The following TDP1 variants were observed in gnomAD, a reference collection of about 807,000 sequenced individuals.
The protein encoded by TDP1 is tyrosyl-DNA phosphodiesterase 1.
Under a neutral mutation model 81.5 loss-of-function variants are expected in TDP1, and 64 were observed. The observed-to-expected ratio is 0.79, with a 90% CI of 0.64 to 0.97. TDP1 has a LOEUF of 0.97. TDP1 is among the 50% of genes least tolerant of loss of function. The probability of loss-of-function intolerance (pLI) is 0.00; values close to 1 mark genes in which losing one functional copy is unlikely to be tolerated. For synonymous variants in TDP1, 256 were observed against 264.3 expected (o/e 0.97, Z 0.30); for missense variants, 723 against 743.8 (o/e 0.97, Z 0.33).
At chr14:89,988,101 A>G (rs1895771910) in intron 10 of TDP1, among the ~76,000 whole-genome samples, 1 of 152,180 alleles carries the variant, frequency 6.6e-6, no homozygotes, top group African/African-American at 2.4e-5. Context: ...TTTATTATAA[A>G]GGATACAGAT....
intron 3 of TDP1, 37 bp from the exon 4 acceptor site, chr14:89,966,110 T>C: frequency 7.0e-7 from 1 of 1,429,842 alleles, no homozygotes; most frequent in Non-Finnish European, 9.9e-7. Flanking sequence ...AGAGGATTTT[T>C]GTGAGTGTGA....
In TDP1 at chr14:90,043,123, A is replaced by G; in HGVS notation, c.1807A>G (p.Asn603Asp). Residue 603 changes from asparagine to aspartate, a missense_variant, in exon 17 of 17, where the codon AAC becomes GAC. Asn to Asp is a conservative substitution (Grantham distance 23, BLOSUM62 1). Coordinates refer to ENST00000335725, the MANE Select transcript of TDP1 (RefSeq NM_018319.4). ...TGTCAAAGCACCGGATACGCATGGG[A>G]ACATGTGGGTGCCCTCCTGAGAATC... ...PYVKAPDTHG[N>D]MWVPS 2 of 1,614,196 alleles carry G rather than the reference A, an allele frequency of 1.2e-6. No individual in the cohort carries two copies. The highest frequency in any genetic ancestry group is 1.7e-6 in the Non-Finnish European group (2 of 1,180,036).
chr14:90,002,944 A>G (rs1389891415), intron 14 of TDP1, among the ~76,000 whole-genome samples: 2 of 151,688 alleles, frequency 1.3e-5, no homozygotes, highest in African/African-American at 2.4e-5. Context: ...TATTTTATTT[A>G]TTTATTTTTT....
chr14:89,963,207 T>C lies in TDP1; in HGVS notation c.93T>C (p.Ser31=). Residue 31 remains serine, a synonymous_variant, in exon 3 of 17, where the codon TCT becomes TCC. Transcript: ENST00000335725. ...CAAAACCAGACAAGCCATCTACCTC[T>C]TCTCTTCTCTGTGCCAGGCAAGGAG... ...EKPKPDKPST[S]SLLCARQGAA... The C allele has an allele frequency of 6.2e-7, 1 of 1,614,116 alleles. No homozygotes were observed. The highest frequency in any genetic ancestry group is 8.5e-7 in the Non-Finnish European group (1 of 1,179,998).
intron 15 of TDP1, among the ~76,000 whole-genome samples, chr14:90,032,278 C>A (rs1887367310): frequency 1.3e-5 from 2 of 152,210 alleles, no homozygotes; most frequent in Middle Eastern, 3.4e-3. Flanking sequence ...AGTCTTTGTT[C>A]TTTTTATGGG....
intron 15 of TDP1, chr14:90,023,011 CCTGTGCCTG>C (rs774012676): frequency 2.6e-6 from 2 of 760,242 alleles, no homozygotes; most frequent in East Asian, 4.9e-5. Context: ...CCACACATAC[CCTGTGCCTG>C]CTGTCTTCCA....
intron 8 of TDP1, chr14:89,983,112 A>G (rs1380857031): frequency 2.2e-6 from 1 of 456,068 alleles, no homozygotes; most frequent in South Asian, 1.5e-5. Flanking sequence ...TTTCTCATCC[A>G]GAACTCACCT....
Position 89,966,963 on chromosome 14 carries a change from C to G in TDP1, c.604-404C>G, listed in dbSNP as rs1893015831. Reference sequence around the variant, plus strand: ...TTAGCCTGAAAGGAAATGTTCTTTTCTGAAAGTCCTGGGATCTTTGTCTCC... The same window carrying G: ...TTAGCCTGAAAGGAAATGTTCTTTTGTGAAAGTCCTGGGATCTTTGTCTCC... On this transcript the variant is annotated intron_variant, in intron 4 of 16. Transcript: ENST00000335725. 5.1e-6 allele frequency: 5 copies of G among 984,742 alleles called. No homozygotes were observed. In the Admixed American group the frequency reaches 3.1e-4, roughly 61 times the overall value. The allele number at this position is 984,742 out of a possible 1,614,324, so 61.0% of individuals were successfully genotyped here. A position where few individuals can be genotyped will look rare whatever the true frequency, so the allele number is the denominator to read the frequency against.
chr14:90,007,996 G>A (rs1203812722), intron 14 of TDP1, among the ~76,000 whole-genome samples: 4 of 152,146 alleles, frequency 2.6e-5, no homozygotes, highest in African/African-American at 9.7e-5. Flanking sequence ...TGGAAAAGCT[G>A]TCTCATCTCT....
At position 90,044,662 on chromosome 14, in the gene TDP1, T is replaced by C. The variant is rs1888649917; in HGVS notation, c.*1519T>C. On this transcript the variant is annotated 3_prime_UTR_variant, in exon 17 of 17. Coordinates refer to ENST00000335725, the MANE Select transcript of TDP1 (RefSeq NM_018319.4). ...ACCTTCCAACAGACAGGCTCTGCTG[T>C]ATCTGTTGTACATACTGGGATTCTG... 1 of 152,242 alleles carries C rather than the reference T, an allele frequency of 6.6e-6. No homozygotes were observed. The highest frequency in any genetic ancestry group is 1.5e-5 in the Non-Finnish European group (1 of 68,078). 9.4% of individuals were successfully genotyped at this position (152,242 alleles called of 1,614,324 possible). A position where few individuals can be genotyped will look rare whatever the true frequency, so the allele number is the denominator to read the frequency against.
chr14:89,966,907 C>T, intron 4 of TDP1: 1 of 795,232 alleles, frequency 1.3e-6, no homozygotes, highest in Non-Finnish European at 1.5e-6. Flanking sequence ...TGTCTGGTCC[C>T]AGGTGGCTGT....
chr14:90,031,218 A>G (rs1887245311), intron 15 of TDP1, among the ~76,000 whole-genome samples: 1 of 150,754 alleles, frequency 6.6e-6, no homozygotes, highest in Non-Finnish European at 1.5e-5. Context: ...TTAACTTGTC[A>G]TTTAGCATTA....
intron 2 of TDP1, 124 bp from the exon 3 acceptor site, chr14:89,962,981 CTGA>C: frequency 9.1e-6 from 14 of 1,538,590 alleles, no homozygotes; most frequent in Non-Finnish European, 1.1e-5. Flanking sequence ...CAAAAAGCAG[CTGA>C]TGTTAGGTGG....
chr14:89,991,052 TCAGC>T (rs781288399), intron 12 of TDP1, among the ~76,000 whole-genome samples: 11 of 152,204 alleles, frequency 7.2e-5, no homozygotes, highest in Non-Finnish European at 1.0e-4. Context: ...CAGAATCTGC[TCAGC>T]CAGTACAAAG....
chr14:90,000,134 G>A (rs1897064200), intron 14 of TDP1, among the ~76,000 whole-genome samples: 1 of 152,162 alleles, frequency 6.6e-6, no homozygotes, highest in Non-Finnish European at 1.5e-5. Flanking sequence ...TCAGCCCGGC[G>A]TTCTCGGCTC....
At chr14:89,969,610 A>T (rs923149966) in intron 5 of TDP1, among the ~76,000 whole-genome samples, 2 of 152,132 alleles carry the variant, frequency 1.3e-5, no homozygotes, top group Admixed American at 6.5e-5. Context: ...TGTTTTTCTT[A>T]CCTAATTTCT....
intron 10 of TDP1, among the ~76,000 whole-genome samples, chr14:89,988,233 G>A (rs1895787951): frequency 6.6e-6 from 1 of 152,160 alleles, no homozygotes; most frequent in Non-Finnish European, 1.5e-5. Context: ...CCTAAACCCT[G>A]TCCTTTTGGG....
chr14:90,012,078 A>T (rs769776050), intron 14 of TDP1, among the ~76,000 whole-genome samples: 3 of 152,202 alleles, frequency 2.0e-5, no homozygotes, highest in Non-Finnish European at 4.4e-5. Flanking sequence ...GGTGCCCTGC[A>T]TCCCAGGCAT....
intron 14 of TDP1, among the ~76,000 whole-genome samples, chr14:90,011,057 A>G (rs1354602099): frequency 1.3e-5 from 2 of 152,092 alleles, no homozygotes; most frequent in African/African-American, 2.4e-5. Flanking sequence ...ATGATAGTGA[A>G]TATGTCTCAT....
Sources: allele counts gnomAD v4.1 joint callset (sites outside exome capture counted in the v4.1 genomes callset), GRCh38; gene constraint gnomAD v4.1.1; transcripts MANE v1.5; gene names NCBI Gene and HGNC (gene_info 2026-07-23, HGNC 2026-07-21).